ABR: variants seen among roughly 807,000 people sequenced by gnomAD.
The protein encoded by ABR is ABR activator of RhoGEF and GTPase.
ABR carries 35 observed loss-of-function variants against 107.2 expected under a neutral mutation model. The observed-to-expected ratio is 0.33, with a 90% CI of 0.25 to 0.43. The LOEUF (loss-of-function observed/expected upper bound fraction) is 0.43. ABR is among the 20% of genes least tolerant of loss of function. The pLI is 1.00. For synonymous variants in ABR, 498 were observed against 462.0 expected, an observed-to-expected ratio of 1.08 and a Z score of -1.00; for missense variants, 815 against 1,115.2, an observed-to-expected ratio of 0.73 and a Z score of 3.83.
intron 16 of ABR, among the ~76,000 whole-genome samples, chr17:1,036,183 C>T (rs2073167669): frequency 6.6e-6 from 1 of 152,180 alleles, no homozygotes; most frequent in African/African-American, 2.4e-5. Context: ...TCGTCCTATC[C>T]GCTAGCGCAA....
chr17:1,134,914 G>T (rs2039990322), intron 1 of ABR, among the ~76,000 whole-genome samples: 1 of 152,264 alleles, frequency 6.6e-6, no homozygotes, highest in Non-Finnish European at 1.5e-5. Flanking sequence ...TGAAACGGGG[G>T]ACGACACAGG....
intron 4 of ABR, among the ~76,000 whole-genome samples, chr17:1,089,195 C>T (rs1312534191): frequency 6.6e-6 from 1 of 152,050 alleles, no homozygotes; most frequent in Non-Finnish European, 1.5e-5. Context: ...CACGCTCAGT[C>T]AGGCCTATTC....
At chr17:1,207,677 G>A (rs1450911064) in intron 1 of ABR, among the ~76,000 whole-genome samples, 3 of 151,726 alleles carry the variant, frequency 2.0e-5, no homozygotes. Context: ...GAGAAGTGGG[G>A]GAAAAAAGGA....
At chr17:1,212,157 G>A (rs1396450466) in intron 1 of ABR, among the ~76,000 whole-genome samples, 1 of 147,258 alleles carries the variant, frequency 6.8e-6, no homozygotes, top group Non-Finnish European at 1.5e-5. Flanking sequence ...GGCTGGGCAT[G>A]GTGGCTCACG....
intron 1 of ABR, among the ~76,000 whole-genome samples, chr17:1,146,590 C>T (rs923691609): frequency 6.6e-6 from 1 of 151,546 alleles, no homozygotes; most frequent in Non-Finnish European, 1.5e-5. Context: ...AGACACCTGC[C>T]ACCATGCCAC....
intron 2 of ABR, among the ~76,000 whole-genome samples, chr17:1,120,631 G>A (rs1460974210): frequency 6.6e-6 from 1 of 152,152 alleles, no homozygotes; most frequent in African/African-American, 2.4e-5. Context: ...TCTCCTGCAG[G>A]CTGGAGTCTA....
intron 14 of ABR, among the ~76,000 whole-genome samples, chr17:1,054,775 G>T (rs2033068983): frequency 6.6e-6 from 1 of 152,100 alleles, no homozygotes; most frequent in Non-Finnish European, 1.5e-5. Flanking sequence ...AAGGGACAAA[G>T]AAGGGAGGCC....
At chr17:1,085,937 G>A (rs1043041499) in intron 4 of ABR, among the ~76,000 whole-genome samples, 4 of 152,184 alleles carry the variant, frequency 2.6e-5, no homozygotes, top group African/African-American at 9.6e-5. Context: ...ACCTAAGGTT[G>A]GCAGTTCGAG....
At chr17:1,090,385 TA>T (rs375734820) in intron 4 of ABR, among the ~76,000 whole-genome samples, 32 of 149,860 alleles carry the variant, frequency 2.1e-4, no homozygotes, top group East Asian at 2.0e-3. Flanking sequence ...CTCTCCCCTC[TA>T]AGGAGAGGTG....
intron 1 of ABR, among the ~76,000 whole-genome samples, chr17:1,165,531 T>C (rs1263255616): frequency 6.6e-6 from 1 of 152,168 alleles, no homozygotes; most frequent in African/African-American, 2.4e-5. Context: ...GTGAAAACTT[T>C]CTTTTTTTCT....
chr17:1,069,393 G>A (rs1452919832), intron 9 of ABR, among the ~76,000 whole-genome samples: 2 of 152,200 alleles, frequency 1.3e-5, no homozygotes, highest in African/African-American at 4.8e-5. Flanking sequence ...GCCAGGCGCG[G>A]TGGCTCATGC....
At chr17:1,107,710 C>A (rs923095722) in intron 2 of ABR, among the ~76,000 whole-genome samples, 1 of 152,206 alleles carries the variant, frequency 6.6e-6, no homozygotes, top group Non-Finnish European at 1.5e-5. Context: ...AGTGCAGAGG[C>A]CTCCCTGAGC....
At chr17:1,068,616 A>C (rs1471361341) in intron 9 of ABR, among the ~76,000 whole-genome samples, 1 of 152,254 alleles carries the variant, frequency 6.6e-6, no homozygotes, top group South Asian at 2.1e-4. Context: ...TGTGTGAATG[A>C]ACGCAGAATG....
At chr17:1,091,018 G>A (rs760034518) in intron 4 of ABR, among the ~76,000 whole-genome samples, 1 of 152,190 alleles carries the variant, frequency 6.6e-6, no homozygotes, top group East Asian at 1.9e-4. Context: ...TTCCCAACAC[G>A]AGGTCTGCAT....
At chr17:1,177,321 G>A (rs572992606) in intron 1 of ABR, among the ~76,000 whole-genome samples, 3 of 152,276 alleles carry the variant, frequency 2.0e-5, no homozygotes, top group Non-Finnish European at 2.9e-5. Flanking sequence ...AAGCTGTTCC[G>A]AAGAGGGAGG....
chr17:1,077,797 AG>A (rs1294189010), intron 6 of ABR, among the ~76,000 whole-genome samples: 2 of 152,186 alleles, frequency 1.3e-5, no homozygotes, highest in African/African-American at 4.8e-5. Context: ...CCTGGTGGGA[AG>A]GAAGAGGAAG....
At chr17:1,107,686 C>T (rs1245728202) in intron 2 of ABR, among the ~76,000 whole-genome samples, 1 of 152,208 alleles carries the variant, frequency 6.6e-6, no homozygotes, top group Non-Finnish European at 1.5e-5. Context: ...AGTGGGGAGG[C>T]TGGTCAGACC....
At chr17:1,160,207 TTA>T in intron 1 of ABR, among the ~76,000 whole-genome samples, 2 of 151,318 alleles carry the variant, frequency 1.3e-5, no homozygotes, top group Non-Finnish European at 2.9e-5. Context: ...TGAGCTGAGA[TTA>T]CACCACTGCA....
chr17:1,079,339 T>G lies in ABR; in HGVS notation c.691A>C (p.Thr231Pro). 1.9e-6 allele frequency: 3 copies of G among 1,613,444 alleles called. No homozygotes were observed. The highest frequency in any genetic ancestry group is 2.5e-6 in the Non-Finnish European group (3 of 1,179,654). ...CCGCTCCCCGAGGTACCTTCCATGG[T>G]GACAGACGTGTGGCTGTCCTTGGAG... ...KDSKDSHTSV[T>P]MEALLYKPID... Residue 231 changes from threonine to proline, a missense_variant, in exon 6 of 23, where the codon ACC (threonine) becomes CCC (proline). This residue lies in a region of ABR where 385 missense variants were observed against 596.9 expected (regional missense o/e 0.64). Coordinates refer to ENST00000302538, the MANE Select transcript of ABR (RefSeq NM_021962.5).
Sources: gnomAD v4.1 joint callset for allele counts (sites outside exome capture counted in the v4.1 genomes callset) on GRCh38, gnomAD v4.1.1 for gene constraint, gnomAD v4.1.1 regional missense constraint, MANE v1.5 for transcripts, NCBI Gene and HGNC (gene_info 2026-07-23, HGNC 2026-07-21) for gene names.